The following MED17 variants were observed in gnomAD, a reference collection of about 807,000 sequenced individuals.
MED17 encodes the protein mediator complex subunit 17, also known as mediator of RNA polymerase II transcription subunit 17.
In MED17, 49 loss-of-function variants were observed where a neutral mutation model predicts 80.8. The observed-to-expected ratio is 0.61, with a 90% CI of 0.48 to 0.77. The LOEUF is 0.77. MED17 is among the 30% of genes least tolerant of loss of function. MED17 has a pLI of 0.00. For missense variants in MED17, 718 were observed against 787.0 expected (o/e 0.91, Z 1.05); for synonymous variants, 281 against 280.4 (o/e 1.00, Z -0.02).
intron 9 of MED17, among the ~76,000 whole-genome samples, chr11:93,802,404 T>G (rs1397814037): frequency 6.6e-6 from 1 of 151,980 alleles, no homozygotes; most frequent in Non-Finnish European, 1.5e-5. Context: ...CCGGCCCTTG[T>G]TTTTTTGTTT....
Position 93,800,755 on chromosome 11 carries a change from G to A in MED17, c.1329-1080G>A, listed in dbSNP as rs563639156. ...GGGTTCAAGTGATCTTCCTGCCTTA[G>A]TCTTTTGAGTAGCAGGGACTACTCG... On this transcript the variant is annotated intron_variant, in intron 8 of 11. Transcript: ENST00000251871. 4 of 152,202 alleles carry A rather than the reference G, an allele frequency of 2.6e-5. No homozygotes were observed. In the East Asian group the frequency reaches 7.7e-4, roughly 29 times the overall value. The allele number at this position is 152,202 out of a possible 1,614,324, so 9.4% of individuals were successfully genotyped here. A position where few individuals can be genotyped will look rare whatever the true frequency, so the allele number is the denominator to read the frequency against.
chr11:93,808,458 C>T (rs1343294183), intron 10 of MED17: 2 of 150,352 alleles, frequency 1.3e-5, no homozygotes, highest in Admixed American at 6.6e-5. Flanking sequence ...ATTTCTAGCC[C>T]TTTCTTTTCA....
chr11:93,803,239 C>T (rs1054518359), intron 9 of MED17, among the ~76,000 whole-genome samples: 2 of 152,136 alleles, frequency 1.3e-5, no homozygotes, highest in Non-Finnish European at 2.9e-5. Flanking sequence ...CAGAAAAATA[C>T]ATTTATAATG....
chr11:93,788,737 C>A (rs555036440), intron 2 of MED17: 2 of 150,720 alleles, frequency 1.3e-5, no homozygotes, highest in African/African-American at 4.9e-5. Context: ...TTAACAAATT[C>A]TTATAGCCTG....
In MED17 at chr11:93,814,228, C is replaced by T. The variant is rs561681931; in HGVS notation, c.*2164C>T. 2 of 152,244 alleles carry T rather than the reference C, an allele frequency of 1.3e-5. No individual in the cohort carries two copies. Among genetic ancestry groups the T allele is most frequent in the South Asian group, 4.1e-4 (2 of 4,826 alleles). 9.4% of individuals were successfully genotyped at this position (152,244 alleles called of 1,614,324 possible). A position where few individuals can be genotyped will look rare whatever the true frequency, so the allele number is the denominator to read the frequency against. On this transcript the variant is annotated 3_prime_UTR_variant, in exon 12 of 12. Coordinates refer to ENST00000251871, the MANE Select transcript of MED17 (RefSeq NM_004268.5). ...GTCTTACTTTCCCTGTTTGGTACGT[C>T]GCTGTAGTGAGTAGCCAGTACCGAC... is the stretch of plus-strand genomic sequence containing the variant.
chr11:93,793,965 A>C lies in MED17; in HGVS notation c.789A>C (p.Lys263Asn). 3 of 1,614,086 alleles carry C rather than the reference A, an allele frequency of 1.9e-6. No homozygotes were observed. Among genetic ancestry groups the C allele is most frequent in the Non-Finnish European group, 2.5e-6 (3 of 1,179,986 alleles). The change falls in exon 5 of 12, where the codon AAA (lysine) becomes AAC (asparagine). Residue 263 changes from lysine to asparagine, a missense_variant. By Grantham distance (94) the Lys-to-Asn change is moderately conservative. Coordinates refer to ENST00000251871, the MANE Select transcript of MED17 (RefSeq NM_004268.5). ...TTGTCATATAGGTTTCAATACAAAAACAGGCTCCAGATATAGGTGACCTCG... is the reference window on the plus strand; with the variant it reads ...TTGTCATATAGGTTTCAATACAAAACCAGGCTCCAGATATAGGTGACCTCG... ...GSAYIKVSIQ[K>N]QAPDIGDLGT...
chr11:93,799,451 C>T, intron 8 of MED17, among the ~76,000 whole-genome samples: 1 of 152,174 alleles, frequency 6.6e-6, no homozygotes, highest in East Asian at 1.9e-4. Flanking sequence ...GCTGGGATTA[C>T]AGGCGTGGGC....
At chr11:93,789,203 G>T (rs1476844774) in intron 2 of MED17, 2 of 152,210 alleles carry the variant, frequency 1.3e-5, no homozygotes, top group Non-Finnish European at 2.9e-5. Context: ...TACTCACATA[G>T]TAATAGTTTC....
In MED17 at chr11:93,811,864, C is replaced by T. The variant is rs1204803650; in HGVS notation, c.1756C>T (p.Pro586Ser). Reference sequence around the variant, plus strand: ...GTTTTTCTCCACAGTTCGTAATGGACCTGAAAGTGGCAGCAAGATTATGGT... The same window carrying T: ...GTTTTTCTCCACAGTTCGTAATGGATCTGAAAGTGGCAGCAAGATTATGGT... ...GDYAISVRNGPESGSKIMVQF... is the reference protein window; with the variant it reads ...GDYAISVRNGSESGSKIMVQF... Residue 586 changes from proline to serine, a missense_variant, in exon 12 of 12, where the codon CCT (proline) becomes TCT (serine). Pro to Ser is a moderately conservative substitution (Grantham distance 74). Transcript: ENST00000251871. The T allele has an allele frequency of 1.2e-6, 2 of 1,614,020 alleles. No individual in the cohort carries two copies. Among genetic ancestry groups the T allele is most frequent in the Non-Finnish European group, 1.7e-6 (2 of 1,179,982 alleles).
chr11:93,794,294 T>G (rs1943877547), intron 5 of MED17: 2 of 349,912 alleles, frequency 5.7e-6, no homozygotes, highest in Non-Finnish European at 1.1e-5. Context: ...AACGTCTACC[T>G]CCCAGGTTCA....
intron 3 of MED17, among the ~76,000 whole-genome samples, 175 bp downstream of exon 3, chr11:93,790,968 C>T (rs1008260510): frequency 1.3e-5 from 2 of 152,104 alleles, no homozygotes; most frequent in Non-Finnish European, 2.9e-5. Context: ...ATTAGCCAGG[C>T]GTGGTAACAC....
chr11:93,795,625 T>G (rs1200003124), intron 6 of MED17: 1 of 153,998 alleles, frequency 6.5e-6, no homozygotes, highest in Non-Finnish European at 1.4e-5. Context: ...TTTAATTATA[T>G]TATTCAAAAG....
Position 93,796,417 on chromosome 11 carries a change from G to T in MED17, c.1020G>T (p.Gln340His). 1 of 1,612,178 alleles carries T rather than the reference G, an allele frequency of 6.2e-7. No individual in the cohort carries two copies. The highest frequency in any genetic ancestry group is 8.5e-7 in the Non-Finnish European group (1 of 1,178,474). Residue 340 changes from glutamine (Q) to histidine (H), a missense_variant, in exon 7 of 12, where the codon CAG becomes CAT. Physicochemically the swap from Gln to His is conservative, Grantham distance 24 (BLOSUM62 0). Coordinates refer to ENST00000251871, the MANE Select transcript of MED17 (RefSeq NM_004268.5). Reference sequence around the variant, plus strand: ...CCTTCTTTTTATAAATAGGCTTGCAGTTATCTATTTCTTTGTGCCATTCCT... The same window carrying T: ...CCTTCTTTTTATAAATAGGCTTGCATTTATCTATTTCTTTGTGCCATTCCT... The part of the protein sequence containing the change: ...QIISQPFPSL[Q>H]LSISLCHSSN...
chr11:93,789,312 A>G (rs532300849), intron 2 of MED17: 14 of 152,324 alleles, frequency 9.2e-5, no homozygotes, highest in African/African-American at 3.4e-4. Context: ...GATTTGTAAT[A>G]TGTTCAAGTT....
Position 93,797,355 on chromosome 11 carries a change from C to T in MED17, c.1144-180C>T, listed in dbSNP as rs1943915508. On this transcript the variant is annotated intron_variant, in intron 7 of 11. Coordinates refer to ENST00000251871, the MANE Select transcript of MED17 (RefSeq NM_004268.5). ...GTTACAGCTTGAGAGCGACCCTTCTCTTTACAGTCTTGCATTATGTGTGAC... is the reference window on the plus strand; with the variant it reads ...GTTACAGCTTGAGAGCGACCCTTCTTTTTACAGTCTTGCATTATGTGTGAC... The T allele has an allele frequency of 1.3e-5, 8 of 623,368 alleles. No homozygotes were observed. In the South Asian group the frequency reaches 1.5e-4, roughly 12 times the overall value. 38.6% of individuals were successfully genotyped at this position (623,368 alleles called of 1,614,324 possible). A position where few individuals can be genotyped will look rare whatever the true frequency, so the allele number is the denominator to read the frequency against.
intron 9 of MED17, among the ~76,000 whole-genome samples, chr11:93,804,072 T>C (rs1943999311): frequency 6.9e-6 from 1 of 144,270 alleles, no homozygotes; most frequent in Non-Finnish European, 1.5e-5. Context: ...TAAAGGGGAG[T>C]TTATTAAGTA....
In MED17 at chr11:93,797,682, ATAATT is replaced by A; in HGVS notation, c.1292_1296del (p.Ile431LysfsTer11). ...GTCCAGTGAAGGGCTTCTGGAAAAAATAATTAAACAAGCAAAGCATATTTTTCTAA... is the reference window on the plus strand; with the variant it reads ...GTCCAGTGAAGGGCTTCTGGAAAAAAAAACAAGCAAAGCATATTTTTCTAA... On this transcript the variant is annotated frameshift_variant, in exon 8 of 12. Coordinates refer to ENST00000251871, the MANE Select transcript of MED17 (RefSeq NM_004268.5). LOFTEE classifies it high-confidence loss of function. 6.2e-7 allele frequency: 1 copy of A among 1,613,758 alleles called. No individual in the cohort carries two copies. Among genetic ancestry groups the A allele is most frequent in the Non-Finnish European group, 8.5e-7 (1 of 1,179,696 alleles).
In MED17 at chr11:93,784,711, C is replaced by T. The variant is rs767685559; in HGVS notation, c.198C>T (p.Asp66=). The T allele has an allele frequency of 1.3e-6, 2 of 1,548,220 alleles. No homozygotes were observed. Residue 66 remains aspartate (D), a synonymous_variant, in exon 1 of 12, where the codon GAC becomes GAT. Transcript: ENST00000251871. ...EEEEAAGTEG[D]AQEWPGAGSS... ...AGGAGGCGGCGGGGACCGAGGGCGA[C>T]GCGCAGGAGTGGCCGGGCGCCGGGT...
chr11:93,797,093 C>T (rs1332330450), intron 7 of MED17: 2 of 198,988 alleles, frequency 1.0e-5, no homozygotes, highest in Non-Finnish European at 2.1e-5. Context: ...GGTTTGGGAA[C>T]CTCTAATCTA....
Sources: gnomAD v4.1 joint callset for allele counts (sites outside exome capture counted in the v4.1 genomes callset) on GRCh38, gnomAD v4.1.1 for gene constraint, MANE v1.5 for transcripts, NCBI Gene and HGNC (gene_info 2026-07-23, HGNC 2026-07-21) for gene names.